Variants in COL21A1 observed in about 807,000 individuals in gnomAD.
COL21A1 encodes collagen alpha-1(XXI) chain.
Under a neutral mutation model 137.9 loss-of-function variants are expected in COL21A1, and 149 were observed. The ratio of observed to expected loss-of-function variants is 1.08; its 90% CI spans 0.95 to 1.24. COL21A1 has a LOEUF of 1.24. Ranked by LOEUF, COL21A1 falls within the 50% of genes most tolerant of loss-of-function variation. COL21A1 has a pLI of 0.00. For synonymous variants in COL21A1, 456 were observed against 391.5 expected (o/e 1.16, Z -1.95); for missense variants, 1,167 against 1,158.4 (o/e 1.01, Z -0.11).
chr6:56,188,593 T>C (rs914999588), intron 1 of COL21A1, among the ~76,000 whole-genome samples: 31 of 152,206 alleles, frequency 2.0e-4, no homozygotes, highest in Non-Finnish European at 4.1e-4. Flanking sequence ...CTGACGGCTC[T>C]GAAGAGATCA....
At chr6:56,128,924 G>A (rs1401791413) in intron 12 of COL21A1, among the ~76,000 whole-genome samples, 2 of 152,144 alleles carry the variant, frequency 1.3e-5, no homozygotes, top group East Asian at 1.9e-4. Context: ...CAAAGTGCTA[G>A]GATTACAGGC....
At chr6:56,313,016 T>G (rs963745503) in intron 1 of COL21A1, among the ~76,000 whole-genome samples, 1 of 152,162 alleles carries the variant, frequency 6.6e-6, no homozygotes, top group African/African-American at 2.4e-5. Flanking sequence ...ATAGCACATA[T>G]CTTTAATTGT....
At chr6:56,298,081 A>C (rs1292201918) in intron 1 of COL21A1, among the ~76,000 whole-genome samples, 1 of 150,684 alleles carries the variant, frequency 6.6e-6, no homozygotes, top group African/African-American at 2.4e-5. Flanking sequence ...TTATGAAAGT[A>C]ATATAGTAAT....
chr6:56,193,062 A>C (rs573945775), intron 1 of COL21A1, among the ~76,000 whole-genome samples: 2 of 152,314 alleles, frequency 1.3e-5, no homozygotes, highest in South Asian at 4.1e-4. Context: ...AAACTATTCC[A>C]AGAACAGAAA....
At chr6:56,191,110 T>A (rs1394274677) in intron 1 of COL21A1, among the ~76,000 whole-genome samples, 1 of 152,058 alleles carries the variant, frequency 6.6e-6, no homozygotes, top group African/African-American at 2.4e-5. Context: ...GCCAGGGCAA[T>A]CAGGCAAGAG....
intron 1 of COL21A1, among the ~76,000 whole-genome samples, chr6:56,239,548 C>T (rs926746521): frequency 6.6e-6 from 1 of 151,782 alleles, no homozygotes; most frequent in Non-Finnish European, 1.5e-5. Context: ...CAACAAAAAG[C>T]CATAATTCAA....
chr6:56,129,413 A>C (rs1269871714), intron 12 of COL21A1, among the ~76,000 whole-genome samples: 1 of 152,176 alleles, frequency 6.6e-6, no homozygotes, highest in Non-Finnish European at 1.5e-5. Context: ...GAGCAACAAG[A>C]GGGAAAAACA....
chr6:56,232,250 T>C (rs939491008), intron 1 of COL21A1, among the ~76,000 whole-genome samples: 1 of 151,770 alleles, frequency 6.6e-6, no homozygotes, highest in Non-Finnish European at 1.5e-5. Flanking sequence ...AAAAAGCAAC[T>C]CAAGAGAACT....
chr6:56,276,327 A>T (rs1031460491), intron 1 of COL21A1, among the ~76,000 whole-genome samples: 1 of 152,188 alleles, frequency 6.6e-6, no homozygotes, highest in Admixed American at 6.5e-5. Context: ...CATGCAATAG[A>T]GCTTCAATAT....
At chr6:56,285,775 C>T (rs981780994) in intron 1 of COL21A1, among the ~76,000 whole-genome samples, 4 of 151,794 alleles carry the variant, frequency 2.6e-5, no homozygotes, top group Admixed American at 6.6e-5. Context: ...CAGGACCCTG[C>T]TAACCCCTCC....
chr6:56,161,322 G>A (rs1776182570), intron 9 of COL21A1, among the ~76,000 whole-genome samples: 1 of 152,144 alleles, frequency 6.6e-6, no homozygotes, highest in Non-Finnish European at 1.5e-5. Context: ...AGCAAATGTA[G>A]GAGTTTGTTA....
At chr6:56,137,096 A>C (rs541116974) in intron 12 of COL21A1, among the ~76,000 whole-genome samples, 1 of 152,292 alleles carries the variant, frequency 6.6e-6, no homozygotes, top group East Asian at 1.9e-4. Context: ...TCAACCCCCT[A>C]GATCCTTGAG....
chr6:56,129,675 CGTGTGT>C (rs78820557), intron 12 of COL21A1, among the ~76,000 whole-genome samples: 10,279 of 136,436 alleles, frequency 0.075, 433 homozygotes, highest in Middle Eastern at 0.13. Context: ...CACGTGCGTG[CGTGTGT>C]GTGTGTGTGT....
chr6:56,311,261 A>G (rs543022533), intron 1 of COL21A1, among the ~76,000 whole-genome samples: 2 of 152,354 alleles, frequency 1.3e-5, no homozygotes, highest in East Asian at 3.9e-4. Flanking sequence ...TAGTTCCAGG[A>G]TATGAGTTGC....
chr6:56,210,332 C>CT (rs1780081398), intron 1 of COL21A1, among the ~76,000 whole-genome samples: 1 of 152,086 alleles, frequency 6.6e-6, no homozygotes, highest in Non-Finnish European at 1.5e-5. Context: ...CACGATGGGT[C>CT]ACCTTTGAAG....
chr6:56,122,689 G>T (rs1256631138), intron 16 of COL21A1, among the ~76,000 whole-genome samples: 2 of 152,140 alleles, frequency 1.3e-5, no homozygotes, highest in Non-Finnish European at 2.9e-5. Flanking sequence ...GCAGGTACAT[G>T]AATGCACATA....
At chr6:56,370,329 T>C (rs1043122545) in intron 1 of COL21A1, among the ~76,000 whole-genome samples, 2 of 152,178 alleles carry the variant, frequency 1.3e-5, no homozygotes, top group South Asian at 2.1e-4. Flanking sequence ...CACGTCCCTC[T>C]CTGAGCACAC....
chr6:56,369,204 G>A (rs1766168743), intron 1 of COL21A1, among the ~76,000 whole-genome samples: 1 of 151,822 alleles, frequency 6.6e-6, no homozygotes, highest in African/African-American at 2.4e-5. Flanking sequence ...TTTTAAAGAT[G>A]GAAATACTAG....
chr6:56,391,308 G>A (rs1581804906), intron 1 of COL21A1, among the ~76,000 whole-genome samples: 1 of 152,104 alleles, frequency 6.6e-6, no homozygotes, highest in East Asian at 1.9e-4. Flanking sequence ...GCAGTACCAA[G>A]AGGGAAGTGT....
Sources: allele counts gnomAD v4.1 joint callset (sites outside exome capture counted in the v4.1 genomes callset), GRCh38; gene constraint gnomAD v4.1.1; transcripts MANE v1.5; gene names NCBI Gene and HGNC (gene_info 2026-07-23, HGNC 2026-07-21).